The following RASA1 variants were observed in gnomAD, a reference collection of about 807,000 sequenced individuals.
RASA1 encodes the protein ras GTPase-activating protein 1.
RASA1 carries 25 observed loss-of-function variants against 132.2 expected under a neutral mutation model. That is an observed-to-expected ratio of 0.19 (90% CI 0.14 to 0.26). RASA1 has a LOEUF of 0.26. Among genes scored for constraint, RASA1 ranks in the 10% least tolerant of loss-of-function variants. RASA1 has a pLI of 1.00. For synonymous variants in RASA1, 477 were observed against 449.9 expected (o/e 1.06, Z -0.76); for missense variants, 964 against 1,299.2 (o/e 0.74, Z 3.97).
intron 23 of RASA1, among the ~76,000 whole-genome samples, chr5:87,389,112 T>C (rs1762277000): frequency 6.6e-6 from 1 of 152,118 alleles, no homozygotes; most frequent in Non-Finnish European, 1.5e-5. Flanking sequence ...TTAAAAAAAT[T>C]ATCTAATATA....
chr5:87,328,833 G>A (rs1757413436), intron 1 of RASA1, among the ~76,000 whole-genome samples: 1 of 152,130 alleles, frequency 6.6e-6, no homozygotes, highest in Non-Finnish European at 1.5e-5. Context: ...AGGTTATATA[G>A]TATTTTACTT....
intron 1 of RASA1, among the ~76,000 whole-genome samples, chr5:87,271,169 C>G (rs1449089836): frequency 6.6e-6 from 1 of 151,774 alleles, no homozygotes; most frequent in East Asian, 1.9e-4. Context: ...ACCCGGGAGG[C>G]GAAGGTTGCA....
chr5:87,315,927 G>A (rs1236039889), intron 1 of RASA1, among the ~76,000 whole-genome samples: 1 of 151,966 alleles, frequency 6.6e-6, no homozygotes, highest in East Asian at 1.9e-4. Context: ...AAGTCATTTG[G>A]AATTGCAATA....
rs1759154150 is a variant in RASA1, at chr5:87,350,146, CTTGT to C, written c.1253+785_1253+788del. Among the ~76,000 whole-genome samples the C allele has an allele frequency of 2.0e-5, 3 of 151,934 alleles. No homozygotes were observed. In the East Asian group the frequency reaches 5.8e-4, roughly 29 times the overall value. On this transcript the variant is annotated intron_variant, in intron 8 of 24. Coordinates refer to ENST00000274376, the MANE Select transcript of RASA1 (RefSeq NM_002890.3). ...ATTTGAGTGAATAGAGATTCTGTAG[CTTGT>C]TTATCTGAAAAAAACCAAAAAACAA...
chr5:87,344,745 CTGGCCTCAAGTGATCCTCCCACCT>C (rs1289255738), intron 6 of RASA1, among the ~76,000 whole-genome samples: 2 of 150,928 alleles, frequency 1.3e-5, no homozygotes, highest in Non-Finnish European at 2.9e-5. Context: ...TCTCAAACGC[CTGGCCTCAAGTGATCCTCCCACCT>C]TGGCCTTCCA....
intron 21 of RASA1, 110 bp downstream of exon 21, chr5:87,383,890 T>A: frequency 1.1e-6 from 1 of 951,784 alleles, no homozygotes; most frequent in Non-Finnish European, 1.6e-6. Context: ...CCAATTCTAG[T>A]CATGGCATAT....
At chr5:87,342,312 C>T (rs975030908) in intron 6 of RASA1, among the ~76,000 whole-genome samples, 3 of 151,994 alleles carry the variant, frequency 2.0e-5, no homozygotes, top group African/African-American at 7.2e-5. Context: ...GCGCACAACA[C>T]CATGCTAGGC....
At chr5:87,374,413 CAAGGT>C in intron 14 of RASA1, 93 bp downstream of exon 14, 5 of 1,029,870 alleles carry the variant, frequency 4.9e-6, no homozygotes, top group Non-Finnish European at 7.0e-6. Context: ...ACCATCAGAA[CAAGGT>C]ACCATATCCA....
intron 8 of RASA1, 70 bp from the exon 9 acceptor site, chr5:87,353,086 GT>G: frequency 8.0e-7 from 1 of 1,244,222 alleles, no homozygotes; most frequent in East Asian, 2.4e-5. Flanking sequence ...TGGCAAGAAA[GT>G]TTACACATAT....
At chr5:87,321,808 C>T (rs1283055175) in intron 1 of RASA1, among the ~76,000 whole-genome samples, 2 of 152,194 alleles carry the variant, frequency 1.3e-5, no homozygotes, top group Non-Finnish European at 2.9e-5. Flanking sequence ...GACATCAGCA[C>T]TTTCCCCAAT....
At chr5:87,284,247 A>T (rs1014692905) in intron 1 of RASA1, among the ~76,000 whole-genome samples, 1 of 152,190 alleles carries the variant, frequency 6.6e-6, no homozygotes, top group African/African-American at 2.4e-5. Context: ...TAATTAAACC[A>T]TTGTTAGCTT....
intron 9 of RASA1, among the ~76,000 whole-genome samples, chr5:87,357,070 C>T (rs747138127): frequency 1.3e-5 from 2 of 152,164 alleles, no homozygotes; most frequent in Non-Finnish European, 2.9e-5. Context: ...TAAGGTCTTA[C>T]ACTTTAATGT....
In RASA1 at chr5:87,268,088, G is replaced by T; in HGVS notation, c.-364G>T. 2.4e-6 allele frequency: 1 copy of T among 410,564 alleles called. No individual in the cohort carries two copies. Among genetic ancestry groups the T allele is most frequent in the Non-Finnish European group, 4.3e-6 (1 of 233,190 alleles). 25.4% of individuals were successfully genotyped at this position (410,564 alleles called of 1,614,324 possible). A position where few individuals can be genotyped will look rare whatever the true frequency, so the allele number is the denominator to read the frequency against. On this transcript the variant is annotated 5_prime_UTR_variant, in exon 1 of 25. Coordinates refer to ENST00000274376, the MANE Select transcript of RASA1 (RefSeq NM_002890.3). ...GAAGAAGCGGTGGTGGCGGCTGAAG[G>T]AGCGGTAGCAGCCTCAGCCTCTTTC...
chr5:87,268,200 G>C lies in RASA1; in HGVS notation c.-252G>C. On this transcript the variant is annotated 5_prime_UTR_variant, in exon 1 of 25. Transcript: ENST00000274376. ...GTGCGTGAGTGTGGGTGTGTGCGGT[G>C]AGGTTTGGGTGGCGTTTGTGCAGGC... 1.8e-6 allele frequency: 1 copy of C among 561,618 alleles called. No homozygotes were observed. Among genetic ancestry groups the C allele is most frequent in the Non-Finnish European group, 3.1e-6 (1 of 320,958 alleles). 34.8% of individuals were successfully genotyped at this position (561,618 alleles called of 1,614,324 possible). A position where few individuals can be genotyped will look rare whatever the true frequency, so the allele number is the denominator to read the frequency against.
At chr5:87,293,961 C>A (rs1285638547) in intron 1 of RASA1, among the ~76,000 whole-genome samples, 3 of 151,784 alleles carry the variant, frequency 2.0e-5, no homozygotes, top group Non-Finnish European at 4.4e-5. Flanking sequence ...TGTCTTCTGT[C>A]TTTTTTTGTA....
At chr5:87,363,253 T>A in intron 10 of RASA1, 95 bp from the exon 11 acceptor site, 2 of 1,145,890 alleles carry the variant, frequency 1.7e-6, no homozygotes, top group Non-Finnish European at 2.5e-6. Context: ...GGAATAAAAA[T>A]TGATTGATTC....
chr5:87,320,641 C>T (rs1756722722), intron 1 of RASA1, among the ~76,000 whole-genome samples: 1 of 152,172 alleles, frequency 6.6e-6, no homozygotes, highest in South Asian at 2.1e-4. Flanking sequence ...AATTTGCCTT[C>T]ATGATTCAAT....
At chr5:87,319,145 G>T (rs570123902) in intron 1 of RASA1, among the ~76,000 whole-genome samples, 1 of 152,354 alleles carries the variant, frequency 6.6e-6, no homozygotes, top group East Asian at 1.9e-4. Context: ...CTGCCCCATG[G>T]CTCTGCAGGA....
chr5:87,287,377 A>G (rs1408155825), intron 1 of RASA1, among the ~76,000 whole-genome samples: 1 of 147,278 alleles, frequency 6.8e-6, no homozygotes, highest in East Asian at 2.0e-4. Flanking sequence ...TACCATATAT[A>G]CACACACCAT....
Sources: allele counts gnomAD v4.1 joint callset (sites outside exome capture counted in the v4.1 genomes callset), GRCh38; gene constraint gnomAD v4.1.1; transcripts MANE v1.5; gene names NCBI Gene and HGNC (gene_info 2026-07-23, HGNC 2026-07-21).